ARID4B: variants seen among roughly 807,000 people sequenced by gnomAD.
ARID4B encodes the protein AT-rich interaction domain 4B.
ARID4B carries 26 observed loss-of-function variants against 147.5 expected under a neutral mutation model. That is an observed-to-expected ratio of 0.18 (90% CI 0.13 to 0.24). The LOEUF is 0.24. ARID4B is among the 10% of genes least tolerant of loss of function. The pLI, the probability that ARID4B is intolerant of heterozygous loss-of-function variation, is 1.00. For synonymous variants in ARID4B, 512 were observed against 507.9 expected, an observed-to-expected ratio of 1.01 and a Z score of -0.11; for missense variants, 1,179 against 1,511.5, an observed-to-expected ratio of 0.78 and a Z score of 3.65.
At chr1:235,324,388 A>G (rs1191934502) in intron 2 of ARID4B, among the ~76,000 whole-genome samples, 1 of 152,272 alleles carries the variant, frequency 6.6e-6, no homozygotes, top group African/African-American at 2.4e-5. Context: ...ATTTGTTTAC[A>G]TAAATTCTTA....
chr1:235,198,000 T>C (rs2102970241), intron 17 of ARID4B, among the ~76,000 whole-genome samples: 1 of 152,352 alleles, frequency 6.6e-6, no homozygotes, highest in Middle Eastern at 3.4e-3. Context: ...CCATCCTCTG[T>C]AGATTTCAGT....
At chr1:235,285,265 A>G (rs181598902) in intron 2 of ARID4B, among the ~76,000 whole-genome samples, 4 of 152,334 alleles carry the variant, frequency 2.6e-5, no homozygotes, top group Non-Finnish European at 4.4e-5. Context: ...AAAAGGTAAT[A>G]TATCATGACC....
rs538787651 is a variant in ARID4B at position 235,309,918 on chromosome 1, CAG to C, written c.6+16994_6+16995del. ...CTCTGAAACATGTGCTGTGTCCACT[CAG>C]GGTTAAATGGATTAAGGGAGGTGCA... is the stretch of plus-strand genomic sequence containing the variant. On this transcript the variant is annotated intron_variant, in intron 2 of 23. Coordinates refer to ENST00000264183, the MANE Select transcript of ARID4B (RefSeq NM_016374.6). Among the ~76,000 whole-genome samples, 172 of 152,308 alleles carry C rather than the reference CAG, an allele frequency of 1.1e-3. 1 individual carries two copies. Among genetic ancestry groups the C allele is most frequent in the African/African-American group, 4.1e-3 (169 of 41,560 alleles).
intron 2 of ARID4B, among the ~76,000 whole-genome samples, chr1:235,291,196 AC>A (rs1672312348): frequency 6.6e-6 from 1 of 151,936 alleles, no homozygotes; most frequent in Non-Finnish European, 1.5e-5. Context: ...GGAGATCAAG[AC>A]CACCCTGGCT....
At chr1:235,231,390 A>G (rs1668224819) in intron 9 of ARID4B, among the ~76,000 whole-genome samples, 1 of 152,254 alleles carries the variant, frequency 6.6e-6, no homozygotes, top group African/African-American at 2.4e-5. Context: ...AATCATCTAC[A>G]GAAGGATCCT....
rs146991276 is a variant in ARID4B, at chr1:235,188,251, C to G, written c.2126-5458G>C. On this transcript the variant is annotated intron_variant, in intron 19 of 23. Coordinates refer to ENST00000264183, the MANE Select transcript of ARID4B (RefSeq NM_016374.6). ...GGGAAAATACGAAAGAAAAGCAACA[C>G]AATTTGCAAGTCAGAAAGCAGATAA... is the stretch of plus-strand genomic sequence containing the variant. Among the ~76,000 whole-genome samples, 194 of 152,158 alleles carry G rather than the reference C, an allele frequency of 1.3e-3. 1 individual carries two copies. The highest frequency in any genetic ancestry group is 4.6e-3 in the African/African-American group (190 of 41,496).
At position 235,252,816 on chromosome 1, in the gene ARID4B, G is replaced by C. The variant is rs879607309; in HGVS notation, c.275-7C>G. On this transcript the variant is annotated splice_polypyrimidine_tract_variant and splice_region_variant and intron_variant, in intron 5 of 23. Transcript: ENST00000264183. Reference sequence around the variant, plus strand: ...TCATCTCCGTCATCAAAAACTATGAGAGGGGGTAAAAATGGAAGCTACTGA... The same window carrying C: ...TCATCTCCGTCATCAAAAACTATGACAGGGGGTAAAAATGGAAGCTACTGA... 6.2e-7 allele frequency: 1 copy of C among 1,606,656 alleles called. No individual in the cohort carries two copies. The highest frequency in any genetic ancestry group is 8.5e-7 in the Non-Finnish European group (1 of 1,176,466).
Position 235,230,613 on chromosome 1 carries a change from AAAAC to A in ARID4B, c.742+496_742+499del, listed in dbSNP as rs775348290. Among the ~76,000 whole-genome samples the A allele has an allele frequency of 1.0e-3, 134 of 133,166 alleles. 6 individuals carry two copies. Among genetic ancestry groups the A allele is most frequent in the Middle Eastern group, 3.9e-3 (1 of 256 alleles). The allele number at this position is 133,166 out of a possible 152,430, so 87.4% of individuals were successfully genotyped here. On this transcript the variant is annotated intron_variant, in intron 10 of 23. Transcript: ENST00000264183. ...ATAAGCTAAAAAAAAAAAAAAAAAA[AAAAC>A]CAGAAAAAAAAAGGAAACCTATGGT...
intron 2 of ARID4B, among the ~76,000 whole-genome samples, chr1:235,269,265 GT>G (rs1444613012): frequency 4.6e-5 from 7 of 152,302 alleles, no homozygotes; most frequent in African/African-American, 1.7e-4. Context: ...GAGAATCAGC[GT>G]TTGGCAACCA....
chr1:235,202,545 GA>G (rs151063447), intron 17 of ARID4B, among the ~76,000 whole-genome samples: 37 of 144,260 alleles, frequency 2.6e-4, no homozygotes, highest in African/African-American at 3.2e-4. Flanking sequence ...GAAGTACAAT[GA>G]AAAAAAAATT....
intron 2 of ARID4B, among the ~76,000 whole-genome samples, chr1:235,273,333 C>T (rs543235116): frequency 5.9e-5 from 9 of 152,232 alleles, no homozygotes; most frequent in Middle Eastern, 3.4e-3. Context: ...CATGAGCCAC[C>T]GCACTCAGCC....
At chr1:235,193,103 A>AG (rs1269339312) in intron 19 of ARID4B, among the ~76,000 whole-genome samples, 1 of 152,046 alleles carries the variant, frequency 6.6e-6, no homozygotes, top group Non-Finnish European at 1.5e-5. Flanking sequence ...CAAAAAAAAA[A>AG]AAAAAGCAGT....
intron 10 of ARID4B, among the ~76,000 whole-genome samples, chr1:235,229,650 G>C (rs1001391298): frequency 2.0e-5 from 3 of 152,126 alleles, no homozygotes; most frequent in African/African-American, 7.2e-5. Context: ...TAAAAGAACA[G>C]CAGTTTTATT....
At chr1:235,253,214 A>T (rs1209082563) in intron 5 of ARID4B, among the ~76,000 whole-genome samples, 1 of 152,182 alleles carries the variant, frequency 6.6e-6, no homozygotes, top group Non-Finnish European at 1.5e-5. Flanking sequence ...CTGCCCCTTT[A>T]AAAAAATAAC....
At chr1:235,236,958 C>T (rs1251475545) in intron 8 of ARID4B, among the ~76,000 whole-genome samples, 1 of 139,210 alleles carries the variant, frequency 7.2e-6, no homozygotes, top group African/African-American at 2.7e-5. Flanking sequence ...CTGCAGCCTC[C>T]GCCTCCCAGG....
intron 2 of ARID4B, among the ~76,000 whole-genome samples, chr1:235,283,051 C>T (rs1352962873): frequency 1.3e-5 from 2 of 152,226 alleles, no homozygotes; most frequent in Admixed American, 6.5e-5. Context: ...GCTGGGATTA[C>T]AGGCGTGAGC....
intron 2 of ARID4B, among the ~76,000 whole-genome samples, chr1:235,263,794 T>A (rs1572105183): frequency 6.6e-6 from 1 of 151,332 alleles, no homozygotes; most frequent in Non-Finnish European, 1.5e-5. Flanking sequence ...AAAACCATCC[T>A]GGCTAACACG....
intron 21 of ARID4B, 62 bp downstream of exon 21, chr1:235,177,738 A>T: frequency 8.9e-7 from 1 of 1,121,222 alleles, no homozygotes; most frequent in Non-Finnish European, 1.3e-6. Context: ...CCATTTTCTT[A>T]CTGGGGGTAA....
At chr1:235,174,831 C>T (rs557820593) in intron 22 of ARID4B, among the ~76,000 whole-genome samples, 13 of 151,696 alleles carry the variant, frequency 8.6e-5, no homozygotes, top group East Asian at 7.8e-4. Flanking sequence ...AAAGGCCAGG[C>T]GCAGTGGCTC....
Sources: gnomAD v4.1 joint callset for allele counts (sites outside exome capture counted in the v4.1 genomes callset) on GRCh38, gnomAD v4.1.1 for gene constraint, MANE v1.5 for transcripts, NCBI Gene and HGNC (gene_info 2026-07-23, HGNC 2026-07-21) for gene names.